ERI1: variants seen among roughly 807,000 people sequenced by gnomAD.
The protein encoded by ERI1 is exoribonuclease 1, also known as 3'-5' exoribonuclease 1.
A neutral mutation model predicts 39.7 loss-of-function variants in ERI1; 39 were observed. The ratio of observed to expected loss-of-function variants is 0.98; its 90% CI spans 0.76 to 1.28. The LOEUF (loss-of-function observed/expected upper bound fraction) is 1.28, where lower values mean the gene tolerates loss of function less well. ERI1 is among the 50% of genes most tolerant of loss of function. The pLI, the probability that ERI1 is intolerant of heterozygous loss-of-function variation, is 0.00. For missense variants in ERI1, 581 were observed against 416.9 expected, an observed-to-expected ratio of 1.39 and a Z score of -3.43; for synonymous variants, 204 against 149.6, an observed-to-expected ratio of 1.36 and a Z score of -2.65.
At chr8:9,097,865 C>G (rs1799927013) in intron 3 of ERI1, among the ~76,000 whole-genome samples, 1 of 151,672 alleles carries the variant, frequency 6.6e-6, no homozygotes, top group Non-Finnish European at 1.5e-5. Flanking sequence ...GCTTAACAAC[C>G]CAAATGCCCG....
At chr8:9,019,012 A>T (rs912430989) in intron 5 of ERI1, among the ~76,000 whole-genome samples, 1 of 152,202 alleles carries the variant, frequency 6.6e-6, no homozygotes, top group Admixed American at 6.5e-5. Context: ...CTTTGTGTAC[A>T]TACATAAGAC....
chr8:9,015,654 G>A (rs577003113), intron 3 of ERI1, among the ~76,000 whole-genome samples: 2 of 145,996 alleles, frequency 1.4e-5, no homozygotes, highest in Admixed American at 7.0e-5. Context: ...CCTGGGAGGC[G>A]GAGCTTGCAG....
In ERI1 at chr8:9,004,385, ACT is replaced by A; in HGVS notation, c.108+1215_108+1216del. 3.9e-6 allele frequency: 3 copies of A among 765,760 alleles called. No individual in the cohort carries two copies. In the South Asian group the frequency reaches 7.4e-5, roughly 19 times the overall value. The allele number at this position is 765,760 out of a possible 1,614,324, so 47.4% of individuals were successfully genotyped here. A position where few individuals can be genotyped will look rare whatever the true frequency, so the allele number is the denominator to read the frequency against. On this transcript the variant is annotated intron_variant, in intron 1 of 6. Transcript: ENST00000250263. ...CTTCTTTATATTTGAAAGTCTTGAC[ACT>A]TTTACAGCTACTTAAGGCCTAGGTC...
intron 3 of ERI1, among the ~76,000 whole-genome samples, chr8:9,087,759 C>T (rs1215956338): frequency 6.6e-6 from 1 of 152,128 alleles, no homozygotes; most frequent in Non-Finnish European, 1.5e-5. Flanking sequence ...GTGGGAGCAT[C>T]AGGCCCCACA....
chr8:9,029,676 C>G (rs569174615), intron 6 of ERI1, 116 bp from the exon 7 acceptor site: 6 of 1,287,840 alleles, frequency 4.7e-6, no homozygotes, highest in South Asian at 2.8e-5. Context: ...TGCCCTTTGC[C>G]TAGCTTTATT....
chr8:9,034,400 T>C (rs756157518), downstream of ERI1, among the ~76,000 whole-genome samples: 1 of 152,262 alleles, frequency 6.6e-6, no homozygotes, highest in Non-Finnish European at 1.5e-5. Context: ...GAATCCTGTG[T>C]GGAGAAAGTC....
In ERI1 at chr8:9,007,952, T is replaced by A; in HGVS notation, c.109-18T>A. On this transcript the variant is annotated intron_variant, in intron 1 of 6. Transcript: ENST00000250263. ...ACTACATCCTTTTTTTTTTTTTTTTTTTTTTTTTTTTTGGTAGGAAACTCA... is the reference window on the plus strand; with the variant it reads ...ACTACATCCTTTTTTTTTTTTTTTTATTTTTTTTTTTTGGTAGGAAACTCA... 7.0e-7 allele frequency: 1 copy of A among 1,427,292 alleles called. No individual in the cohort carries two copies. Among genetic ancestry groups the A allele is most frequent in the East Asian group, 2.7e-5 (1 of 37,238 alleles). The allele number at this position is 1,427,292 out of a possible 1,614,324, so 88.4% of individuals were successfully genotyped here.
chr8:9,010,915 A>G (rs1816599886), intron 2 of ERI1, among the ~76,000 whole-genome samples: 2 of 152,300 alleles, frequency 1.3e-5, no homozygotes, highest in Admixed American at 1.3e-4. Context: ...ACTTATTTCT[A>G]GTTAAGAACC....
At chr8:9,005,432 G>A (rs1200961189) in intron 1 of ERI1, among the ~76,000 whole-genome samples, 1 of 151,618 alleles carries the variant, frequency 6.6e-6, no homozygotes, top group Non-Finnish European at 1.5e-5. Flanking sequence ...CCAATAAGAA[G>A]AGGACAGCAA....
At chr8:9,071,547 C>T (rs1799050611) in intron 3 of ERI1, among the ~76,000 whole-genome samples, 1 of 152,236 alleles carries the variant, frequency 6.6e-6, no homozygotes, top group Non-Finnish European at 1.5e-5. Flanking sequence ...CTCCAGTTTT[C>T]CGTTTCCAGT....
intron 3 of ERI1, among the ~76,000 whole-genome samples, chr8:9,089,121 C>G (rs980316423): frequency 6.6e-6 from 1 of 152,198 alleles, no homozygotes; most frequent in African/African-American, 2.4e-5. Flanking sequence ...AGGGAAATAA[C>G]ATGGTTCCCG....
Position 9,018,370 on chromosome 8 carries a change from T to C in ERI1, c.656T>C (p.Leu219Ser). The change falls in exon 5 of 7, where the codon TTA (leucine) becomes TCA (serine). Residue 219 changes from leucine to serine, a missense_variant. Leu to Ser is a moderately radical substitution (Grantham distance 145). Transcript: ENST00000250263. Reference sequence around the variant, plus strand: ...ATTGACTGGATGAAATTGAAGGAATTAGGAACAAAGTATAAATACTCACTT... The same window carrying C: ...ATTGACTGGATGAAATTGAAGGAATCAGGAACAAAGTATAAATACTCACTT... ...KVIDWMKLKE[L>S]GTKYKYSLLT... The C allele has an allele frequency of 1.9e-6, 3 of 1,609,232 alleles. No individual in the cohort carries two copies. The highest frequency in any genetic ancestry group is 2.6e-6 in the Non-Finnish European group (3 of 1,175,734).
At chr8:9,091,055 C>G (rs907683938) in intron 3 of ERI1, among the ~76,000 whole-genome samples, 1 of 152,260 alleles carries the variant, frequency 6.6e-6, no homozygotes. Flanking sequence ...AATCAACAGT[C>G]TTTATATTAA....
intron 3 of ERI1, among the ~76,000 whole-genome samples, chr8:9,086,366 A>C (rs2117464336): frequency 6.6e-6 from 1 of 152,112 alleles, no homozygotes. Flanking sequence ...CCTGGGTAAT[A>C]TGGCAAAACC....
At chr8:9,044,842 C>G (rs761761820) in intron 3 of ERI1, among the ~76,000 whole-genome samples, 4 of 152,098 alleles carry the variant, frequency 2.6e-5, no homozygotes, top group Non-Finnish European at 5.9e-5. Flanking sequence ...TCACCCTGAC[C>G]TGCCACACCT....
At chr8:9,055,094 C>T (rs572693250) in intron 3 of ERI1, among the ~76,000 whole-genome samples, 3 of 152,276 alleles carry the variant, frequency 2.0e-5, no homozygotes, top group Middle Eastern at 3.4e-3. Flanking sequence ...CCAGAGTAGG[C>T]TCAGAGATGC....
At chr8:9,098,733 A>T (rs576375511) in intron 3 of ERI1, among the ~76,000 whole-genome samples, 13 of 152,192 alleles carry the variant, frequency 8.5e-5, no homozygotes, top group South Asian at 4.1e-4. Context: ...TAAAAAAAAA[A>T]TTTTTAATAA....
intron 3 of ERI1, among the ~76,000 whole-genome samples, chr8:9,069,975 A>G (rs1384217097): frequency 1.3e-5 from 2 of 152,050 alleles, no homozygotes; most frequent in Non-Finnish European, 2.9e-5. Flanking sequence ...GAGGTGGCTC[A>G]TACCTGTAAT....
chr8:9,006,634 C>G (rs917563320), intron 1 of ERI1, among the ~76,000 whole-genome samples: 39 of 152,218 alleles, frequency 2.6e-4, no homozygotes, highest in African/African-American at 8.9e-4. Context: ...TATTGTAAAT[C>G]TAATATATTG....
Sources: gnomAD v4.1 joint callset for allele counts (sites outside exome capture counted in the v4.1 genomes callset) on GRCh38, gnomAD v4.1.1 for gene constraint, MANE v1.5 for transcripts, NCBI Gene and HGNC (gene_info 2026-07-23, HGNC 2026-07-21) for gene names.